Variants in PCDH11X observed in about 807,000 individuals in gnomAD.
The protein encoded by PCDH11X is protocadherin-11 X-linked.
Under a neutral mutation model 53.3 loss-of-function variants are expected in PCDH11X, and 18 were observed. The observed-to-expected ratio is 0.34, with a 90% CI of 0.23 to 0.50. The LOEUF (loss-of-function observed/expected upper bound fraction) is 0.50. Among genes scored for constraint, PCDH11X ranks in the 20% least tolerant of loss-of-function variants. The pLI is 0.98. For synonymous variants in PCDH11X, 279 were observed against 393.3 expected (o/e 0.71, Z 3.44); for missense variants, 570 against 1,032.4 (o/e 0.55, Z 6.14).
intron 7 of PCDH11X, 145 bp from the exon 8 acceptor site, chrX:92,262,969 A>G: frequency 9.7e-7 from 1 of 1,031,892 alleles, no homozygotes; most frequent in Non-Finnish European, 1.3e-6. Flanking sequence ...AGAAAAACAA[A>G]GCTGTGTACC....
intron 8 of PCDH11X, among the ~76,000 whole-genome samples, chrX:92,306,423 G>T (rs1243140002): frequency 9.3e-6 from 1 of 107,878 alleles, no homozygotes; most frequent in African/African-American, 3.4e-5. Context: ...AAAAACAATA[G>T]AGACTATCCA....
At chrX:92,287,129 G>A (rs990211227) in intron 8 of PCDH11X, among the ~76,000 whole-genome samples, 1 of 111,493 alleles carries the variant, frequency 9.0e-6, no homozygotes, top group Non-Finnish European at 1.9e-5. Context: ...GTAAAAAACA[G>A]AATGTGAAAA....
At chrX:91,914,112 C>T (rs1434749010) in intron 6 of PCDH11X, among the ~76,000 whole-genome samples, 2 of 111,540 alleles carry the variant, frequency 1.8e-5, no homozygotes, top group African/African-American at 6.5e-5. Flanking sequence ...CAGCCCAGAG[C>T]CTGGTAGCCC....
At chrX:92,065,851 C>A (rs1204058481) in intron 6 of PCDH11X, among the ~76,000 whole-genome samples, 2 of 109,501 alleles carry the variant, frequency 1.8e-5, no homozygotes, top group Non-Finnish European at 3.8e-5. Flanking sequence ...TGTGCAGAAG[C>A]TTTTTAACTT....
intron 8 of PCDH11X, among the ~76,000 whole-genome samples, chrX:92,298,420 C>T (rs768696874): frequency 7.2e-5 from 8 of 111,388 alleles, no homozygotes; most frequent in African/African-American, 1.6e-4. Context: ...ATTTTATTTT[C>T]GGTTCTGTTT....
intron 6 of PCDH11X, among the ~76,000 whole-genome samples, chrX:92,194,043 T>C (rs771632494): frequency 8.9e-6 from 1 of 112,062 alleles, no homozygotes. Flanking sequence ...ACTTACATAG[T>C]ATATTTTTAG....
At chrX:91,978,944 G>C (rs2571912) in intron 6 of PCDH11X, among the ~76,000 whole-genome samples, 1 of 111,355 alleles carries the variant, frequency 9.0e-6, no homozygotes. Flanking sequence ...GTGTAATTCA[G>C]TACTTCATAT....
intron 8 of PCDH11X, among the ~76,000 whole-genome samples, chrX:92,357,029 A>T (rs1359582156): frequency 1.8e-5 from 2 of 111,246 alleles, no homozygotes; most frequent in African/African-American, 3.3e-5. Context: ...GTGGCTGAGG[A>T]TGGAGCAAAG....
intron 10 of PCDH11X, among the ~76,000 whole-genome samples, chrX:92,475,822 T>C (rs747913262): frequency 8.9e-6 from 1 of 112,115 alleles, no homozygotes; most frequent in South Asian, 3.7e-4. Flanking sequence ...CTCTTAGATT[T>C]GCTCTTTTGA....
At chrX:92,447,298 G>C (rs1235181348) in intron 9 of PCDH11X, among the ~76,000 whole-genome samples, 1 of 111,288 alleles carries the variant, frequency 9.0e-6, no homozygotes, top group Non-Finnish European at 1.9e-5. Flanking sequence ...CATGTGAGAG[G>C]TCTTCGTGGA....
intron 6 of PCDH11X, among the ~76,000 whole-genome samples, chrX:91,880,619 A>G (rs772283594): frequency 9.0e-6 from 1 of 111,148 alleles, no homozygotes; most frequent in South Asian, 3.8e-4. Context: ...TTTTTGTTAC[A>G]GTAGGTACAC....
chrX:92,101,000 G>T (rs946149041), intron 6 of PCDH11X, among the ~76,000 whole-genome samples: 4 of 111,258 alleles, frequency 3.6e-5, no homozygotes, highest in African/African-American at 1.3e-4. Context: ...AGGTATAAAA[G>T]GTCTAAGAAT....
rs1353673621 is a variant in PCDH11X at position 91,951,439 on chromosome X, A to G, written c.3033+72166A>G. On this transcript the variant is annotated intron_variant, in intron 6 of 10. Transcript: ENST00000682573. ...CATAATAGATCTAGAAATTATTTAC[A>G]TAATCATCAATACTGAAAAGGAAGG... Among the ~76,000 whole-genome samples, 16 of 103,162 alleles carry G rather than the reference A, an allele frequency of 1.6e-4. No individual in the cohort carries two copies. In the Admixed American group the frequency reaches 1.6e-3, roughly 11 times the overall value. 89.6% of individuals were successfully genotyped at this position (103,162 alleles called of 115,157 possible).
intron 8 of PCDH11X, among the ~76,000 whole-genome samples, chrX:92,384,526 C>A (rs1209153212): frequency 1.9e-5 from 2 of 105,745 alleles, no homozygotes; most frequent in East Asian, 5.9e-4. Context: ...TTTATTATTA[C>A]TCAAATAAGT....
At chrX:92,265,390 C>T (rs190839731) in intron 8 of PCDH11X, among the ~76,000 whole-genome samples, 1 of 109,948 alleles carries the variant, frequency 9.1e-6, no homozygotes, top group Non-Finnish European at 1.9e-5. Context: ...CTCAGGGGCC[C>T]GTGGGAAGGC....
chrX:92,588,622 A>T (rs1924667260), intron 10 of PCDH11X, among the ~76,000 whole-genome samples: 1 of 109,519 alleles, frequency 9.1e-6, no homozygotes, highest in Non-Finnish European at 1.9e-5. Flanking sequence ...AAGAATAAAG[A>T]ATAAATAATA....
Position 92,120,448 on chromosome X carries a change from G to A in PCDH11X, c.3034-80927G>A, listed in dbSNP as rs778136616. Reference sequence around the variant, plus strand: ...GCTGGGATTACAGGCGTGCGCCACCGCGCCTGGCCACCATTTTCTAACTTT... The same window carrying A: ...GCTGGGATTACAGGCGTGCGCCACCACGCCTGGCCACCATTTTCTAACTTT... On this transcript the variant is annotated intron_variant, in intron 6 of 10. Coordinates refer to ENST00000682573, the MANE Select transcript of PCDH11X (RefSeq NM_032968.5). 8.0e-5 allele frequency among the ~76,000 whole-genome samples: 9 copies of A among 112,710 alleles called. No individual in the cohort carries two copies. The South Asian group carries it at 2.5e-3, about 31-fold the overall frequency.
intron 6 of PCDH11X, among the ~76,000 whole-genome samples, chrX:92,133,862 A>C (rs938416809): frequency 7.2e-5 from 8 of 111,811 alleles, no homozygotes; most frequent in Admixed American, 6.7e-4. Flanking sequence ...TTAAGGATGC[A>C]CCCATGACAT....
chrX:92,352,768 C>T (rs1197118259), intron 8 of PCDH11X, among the ~76,000 whole-genome samples: 1 of 111,452 alleles, frequency 9.0e-6, no homozygotes, highest in Admixed American at 9.5e-5. Context: ...TGGATCTAGC[C>T]ACCCAGCAGG....
Sources: gnomAD v4.1 joint callset for allele counts (sites outside exome capture counted in the v4.1 genomes callset) on GRCh38, gnomAD v4.1.1 for gene constraint, MANE v1.5 for transcripts, NCBI Gene and HGNC (gene_info 2026-07-23, HGNC 2026-07-21) for gene names.